GPATCH8: variants seen among roughly 807,000 people sequenced by gnomAD.
GPATCH8 encodes G patch domain-containing protein 8.
Under a neutral mutation model 118.3 loss-of-function variants are expected in GPATCH8, and 18 were observed. The observed-to-expected ratio is 0.15, with a 90% CI of 0.11 to 0.23. The LOEUF (loss-of-function observed/expected upper bound fraction) is 0.23. Among genes scored for constraint, GPATCH8 ranks in the 10% least tolerant of loss-of-function variants. GPATCH8 has a pLI of 1.00. For synonymous variants in GPATCH8, 659 were observed against 684.7 expected (o/e 0.96, Z 0.59); for missense variants, 1,631 against 1,873.8 (o/e 0.87, Z 2.39).
chr17:44,406,229 C>T (rs2049215484), intron 6 of GPATCH8, among the ~76,000 whole-genome samples, 178 bp from the exon 7 acceptor site: 1 of 152,200 alleles, frequency 6.6e-6, no homozygotes, highest in South Asian at 2.1e-4. Context: ...GGGTATAGCA[C>T]TTGCAGTATC....
intron 3 of GPATCH8, among the ~76,000 whole-genome samples, chr17:44,455,300 G>C (rs1428211608): frequency 6.6e-6 from 1 of 151,962 alleles, no homozygotes. Flanking sequence ...TCGGGAGTTC[G>C]AGACCAGCCT....
At chr17:44,467,191 G>C in intron 2 of GPATCH8, 2 of 485,824 alleles carry the variant, frequency 4.1e-6, no homozygotes, top group South Asian at 3.7e-5. Flanking sequence ...TTTTTGTCTT[G>C]TTTTCAATTC....
chr17:44,452,857 CT>C (rs1378865147), intron 3 of GPATCH8, among the ~76,000 whole-genome samples: 2 of 149,788 alleles, frequency 1.3e-5, no homozygotes, highest in East Asian at 3.9e-4. Context: ...TAGGGTCTTA[CT>C]TTGTCACTCA....
In GPATCH8 at chr17:44,396,280, T is replaced by C. The variant is rs1200086844; in HGVS notation, c.*1288A>G. ...TCTCACTGCTTCCAGACAATAAAGC[T>C]GTTGAATCCCCTCCTTCTCCTCTGT... On this transcript the variant is annotated 3_prime_UTR_variant, in exon 8 of 8. Coordinates refer to ENST00000591680, the MANE Select transcript of GPATCH8 (RefSeq NM_001002909.4). The C allele has an allele frequency of 6.6e-6, 3 of 454,354 alleles. No homozygotes were observed. Among genetic ancestry groups the C allele is most frequent in the African/African-American group, 2.0e-5 (1 of 49,956 alleles). 28.1% of individuals were successfully genotyped at this position (454,354 alleles called of 1,614,324 possible). A position where few individuals can be genotyped will look rare whatever the true frequency, so the allele number is the denominator to read the frequency against.
At chr17:44,433,125 C>T (rs915785887) in intron 5 of GPATCH8, among the ~76,000 whole-genome samples, 1 of 151,942 alleles carries the variant, frequency 6.6e-6, no homozygotes. Context: ...CGCACCCAGC[C>T]GAGAAATAAT....
At chr17:44,442,546 A>C (rs184113770) in intron 3 of GPATCH8, among the ~76,000 whole-genome samples, 1 of 152,182 alleles carries the variant, frequency 6.6e-6, no homozygotes, top group African/African-American at 2.4e-5. Flanking sequence ...CTCACTGTAA[A>C]TTCCAGCTTC....
chr17:44,444,782 GA>G (rs111659909), intron 3 of GPATCH8, among the ~76,000 whole-genome samples: 6,353 of 152,106 alleles, frequency 0.042, 433 homozygotes, highest in African/African-American at 0.15. Flanking sequence ...CTCACGGGGG[GA>G]AAAAAAGTGG....
chr17:44,421,089 TG>T (rs752784967), intron 6 of GPATCH8, among the ~76,000 whole-genome samples: 1 of 151,462 alleles, frequency 6.6e-6, no homozygotes, highest in Non-Finnish European at 1.5e-5. Context: ...TGACCTCAAC[TG>T]ATCTGCCCGC....
intron 5 of GPATCH8, among the ~76,000 whole-genome samples, chr17:44,426,491 C>T (rs377620295): frequency 2.0e-5 from 3 of 150,622 alleles, no homozygotes; most frequent in East Asian, 2.0e-4. Flanking sequence ...TTGGTCCCAG[C>T]TACTTGAAAG....
intron 6 of GPATCH8, among the ~76,000 whole-genome samples, chr17:44,414,149 ATATATATGTG>A (rs1567955911): frequency 1.2e-4 from 4 of 34,154 alleles, no homozygotes; most frequent in Admixed American, 3.9e-4. Context: ...ATATGTGTAT[ATATATATGTG>A]TATATATATA....
intron 1 of GPATCH8, among the ~76,000 whole-genome samples, chr17:44,491,837 C>T (rs923927288): frequency 6.6e-6 from 1 of 151,982 alleles, no homozygotes; most frequent in African/African-American, 2.4e-5. Flanking sequence ...TTTCCACATT[C>T]GTCCTGTGTT....
In GPATCH8 at chr17:44,486,186, A is replaced by AG. The variant is rs1256777155; in HGVS notation, c.46-11284_46-11283insC. 1.4e-4 allele frequency: 22 copies of AG among 152,328 alleles called. 1 individual carries two copies. The highest frequency in any genetic ancestry group is 1.2e-3 in the South Asian group (6 of 4,826). The allele number at this position is 152,328 out of a possible 1,614,324, so 9.4% of individuals were successfully genotyped here. ...AGACAGTTTTTATTTTATTCAAGTT[A>AG]ACCAAGGTAAAGACTCAGTTCTTTC... On this transcript the variant is annotated intron_variant, in intron 1 of 7. Coordinates refer to ENST00000591680, the MANE Select transcript of GPATCH8 (RefSeq NM_001002909.4).
intron 3 of GPATCH8, among the ~76,000 whole-genome samples, chr17:44,455,883 G>A (rs754808111): frequency 1.1e-4 from 17 of 152,214 alleles, no homozygotes; most frequent in Non-Finnish European, 2.1e-4. Flanking sequence ...GAGTAGCTGG[G>A]ATTACAGGCA....
chr17:44,457,434 TAATAC>T (rs1380565260), intron 3 of GPATCH8, among the ~76,000 whole-genome samples: 6 of 152,196 alleles, frequency 3.9e-5, no homozygotes, highest in Admixed American at 6.5e-5. Context: ...TCCCAAAACT[TAATAC>T]AATGTTCTTA....
intron 5 of GPATCH8, among the ~76,000 whole-genome samples, chr17:44,425,569 T>C (rs2050060963): frequency 6.6e-6 from 1 of 152,212 alleles, no homozygotes; most frequent in South Asian, 2.1e-4. Context: ...GTGGCTTTTT[T>C]GCCCAGGCTG....
chr17:44,426,364 A>C (rs973243864), intron 5 of GPATCH8, among the ~76,000 whole-genome samples: 5 of 152,304 alleles, frequency 3.3e-5, no homozygotes, highest in Middle Eastern at 3.4e-3. Context: ...GCACTTTGGG[A>C]GGCCGAGGCA....
At chr17:44,463,122 C>A (rs781348660) in intron 3 of GPATCH8, among the ~76,000 whole-genome samples, 4 of 152,032 alleles carry the variant, frequency 2.6e-5, no homozygotes, top group African/African-American at 4.8e-5. Flanking sequence ...GTCTTGCTAT[C>A]TCACCCAGGC....
At chr17:44,502,693 T>C (rs4793113) in intron 1 of GPATCH8, among the ~76,000 whole-genome samples, 61,955 of 151,964 alleles carry the variant, frequency 0.41, 13,837 homozygotes, top group Middle Eastern at 0.52. Context: ...CATCGGATCA[T>C]AGTCCAGTAA....
In GPATCH8 at chr17:44,398,785, G is replaced by C. The variant is rs1162495488; in HGVS notation, c.3292C>G (p.Gln1098Glu). 4 of 1,613,758 alleles carry C rather than the reference G, an allele frequency of 2.5e-6. No homozygotes were observed. Among genetic ancestry groups the C allele is most frequent in the South Asian group, 1.1e-5 (1 of 91,068 alleles). The change falls in exon 8 of 8, where the codon CAG becomes GAG. Residue 1098 changes from glutamine (Q) to glutamate (E), a missense_variant. Coordinates refer to ENST00000591680, the MANE Select transcript of GPATCH8 (RefSeq NM_001002909.4). ...GGTTTCCTCTCCACTTTCCTTGACTGGATCTTCTCCAGTAGCAGTTTGGCA... is the reference window on the plus strand; with the variant it reads ...GGTTTCCTCTCCACTTTCCTTGACTCGATCTTCTCCAGTAGCAGTTTGGCA... ...VTAKLLLEKI[Q>E]SRKVERKPSV...
Sources: allele counts gnomAD v4.1 joint callset (sites outside exome capture counted in the v4.1 genomes callset), GRCh38; gene constraint gnomAD v4.1.1; transcripts MANE v1.5; gene names NCBI Gene and HGNC (gene_info 2026-07-23, HGNC 2026-07-21).